SLC24A2: variants seen among roughly 807,000 people sequenced by gnomAD.
SLC24A2 encodes the protein solute carrier family 24 member 2.
A neutral mutation model predicts 62.0 loss-of-function variants in SLC24A2; 36 were observed. The ratio of observed to expected loss-of-function variants is 0.58; its 90% CI spans 0.44 to 0.77. The LOEUF (loss-of-function observed/expected upper bound fraction) is 0.77. Ranked by LOEUF, SLC24A2 falls within the 30% of genes least tolerant of loss-of-function variation. The probability of loss-of-function intolerance (pLI) is 0.00; values close to 1 mark genes in which losing one functional copy is unlikely to be tolerated. For synonymous variants in SLC24A2, 358 were observed against 294.0 expected (o/e 1.22, Z -2.23); for missense variants, 846 against 817.9 (o/e 1.03, Z -0.42).
chr9:19,713,609 GAGA>G (rs36032195), intron 2 of SLC24A2, among the ~76,000 whole-genome samples: 46,519 of 151,774 alleles, frequency 0.31, 8,981 homozygotes, highest in East Asian at 0.62. Flanking sequence ...TTTTGATAAT[GAGA>G]AGAAGTCCTG....
At chr9:19,758,452 G>T (rs1822212119) in intron 2 of SLC24A2, among the ~76,000 whole-genome samples, 1 of 152,134 alleles carries the variant, frequency 6.6e-6, no homozygotes, top group South Asian at 2.1e-4. Context: ...CTGTTTGTGG[G>T]ATCAGAAAGT....
chr9:19,883,269 G>A, the SLC24A2 span, among the ~76,000 whole-genome samples: 1 of 152,136 alleles, frequency 6.6e-6, no homozygotes, highest in Non-Finnish European at 1.5e-5. Context: ...GTGACTCATT[G>A]AAAAGATGAT....
At chr9:20,155,496 G>C in the SLC24A2 span, among the ~76,000 whole-genome samples, 1 of 151,704 alleles carries the variant, frequency 6.6e-6, no homozygotes, top group Admixed American at 6.6e-5. Flanking sequence ...GTTTGTTTCA[G>C]ATGTAACTAA....
chr9:19,993,564 G>A, the SLC24A2 span, among the ~76,000 whole-genome samples: 1 of 152,116 alleles, frequency 6.6e-6, no homozygotes, highest in Non-Finnish European at 1.5e-5. Context: ...ATTCAACACG[G>A]TTAACATTTA....
the SLC24A2 span, among the ~76,000 whole-genome samples, chr9:20,305,825 AACAGAAATGTATTTCTC>A: frequency 3.9e-5 from 6 of 152,186 alleles, no homozygotes; most frequent in Non-Finnish European, 8.8e-5. Context: ...CAGCTTCAAC[AACAGAAATGTATTTCTC>A]ACAGTCCCAG....
At position 19,719,289 on chromosome 9, in the gene SLC24A2, A is replaced by G. The variant is rs142822365; in HGVS notation, c.930+66648T>C. ...AACACTCTTGTCACCAAATTAGTAG[A>G]TAAGAAAGTGTGGCTAAGATGTTAA... On this transcript the variant is annotated intron_variant, in intron 2 of 10. Coordinates refer to ENST00000341998, the MANE Select transcript of SLC24A2 (RefSeq NM_020344.4). 3.2e-4 allele frequency among the ~76,000 whole-genome samples: 49 copies of G among 152,312 alleles called. 1 individual carries two copies. The East Asian group carries it at 9.2e-3, about 29-fold the overall frequency.
intron 4 of SLC24A2, among the ~76,000 whole-genome samples, chr9:19,616,054 A>C (rs940784156): frequency 1.3e-5 from 2 of 151,392 alleles, no homozygotes; most frequent in African/African-American, 4.9e-5. Flanking sequence ...ATATGATTAA[A>C]CATCTCTAGA....
At chr9:20,165,296 C>T in the SLC24A2 span, among the ~76,000 whole-genome samples, 1 of 151,532 alleles carries the variant, frequency 6.6e-6, no homozygotes, top group Non-Finnish European at 1.5e-5. Context: ...TTCCTGCAAA[C>T]TAGACAAGTT....
At chr9:19,522,842 T>G (rs575721941) in intron 9 of SLC24A2, among the ~76,000 whole-genome samples, 1 of 152,376 alleles carries the variant, frequency 6.6e-6, no homozygotes, top group Non-Finnish European at 1.5e-5. Flanking sequence ...ATAAGACTTT[T>G]GCACAGGAGT....
the SLC24A2 span, among the ~76,000 whole-genome samples, chr9:19,982,769 A>G: frequency 6.6e-6 from 1 of 152,186 alleles, no homozygotes; most frequent in African/African-American, 2.4e-5. Flanking sequence ...AGAAGTGAAA[A>G]TCCTGAACAA....
chr9:19,688,215 G>T (rs1819941365), intron 2 of SLC24A2, among the ~76,000 whole-genome samples: 1 of 152,096 alleles, frequency 6.6e-6, no homozygotes, highest in African/African-American at 2.4e-5. Context: ...AAGAGCCCTG[G>T]ATTTAGAAAA....
intron 2 of SLC24A2, among the ~76,000 whole-genome samples, chr9:19,636,386 T>TTCCTTCCTTCCTCCCTCC (rs1818351514): frequency 1.3e-4 from 3 of 23,396 alleles, no homozygotes; most frequent in African/African-American, 1.6e-4. Flanking sequence ...TTTCTTTCTT[T>TTCCTTCCTTCCTCCCTCC]CTCCCTCTCT....
chr9:19,792,480 C>G (rs1053141954), upstream of SLC24A2, among the ~76,000 whole-genome samples: 3 of 136,374 alleles, frequency 2.2e-5, no homozygotes, highest in Non-Finnish European at 4.5e-5. Context: ...CACCTGAGGT[C>G]AGGAGTTTGA....
intron 2 of SLC24A2, among the ~76,000 whole-genome samples, chr9:19,651,278 G>A (rs1340708760): frequency 6.6e-6 from 1 of 152,172 alleles, no homozygotes; most frequent in African/African-American, 2.4e-5. Flanking sequence ...ATTGTTTTAA[G>A]CATGTTACAT....
At chr9:20,032,557 C>CT in the SLC24A2 span, among the ~76,000 whole-genome samples, 1 of 152,158 alleles carries the variant, frequency 6.6e-6, no homozygotes, top group Non-Finnish European at 1.5e-5. Context: ...TTTTTGTTCT[C>CT]TGCAGACTGT....
At chr9:19,925,226 A>T in the SLC24A2 span, among the ~76,000 whole-genome samples, 1 of 152,174 alleles carries the variant, frequency 6.6e-6, no homozygotes, top group Admixed American at 6.5e-5. Flanking sequence ...CCAGTCAAAG[A>T]TATATAGATT....
chr9:19,733,215 G>A (rs1821391628), intron 2 of SLC24A2, among the ~76,000 whole-genome samples: 1 of 152,008 alleles, frequency 6.6e-6, no homozygotes, highest in South Asian at 2.1e-4. Context: ...TAAATTCAGA[G>A]GCTCTGGATT....
chr9:20,304,013 T>G, the SLC24A2 span, among the ~76,000 whole-genome samples: 2 of 152,222 alleles, frequency 1.3e-5, no homozygotes, highest in African/African-American at 4.8e-5. Flanking sequence ...ACTGAGAATC[T>G]CAGCTACATT....
At chr9:19,755,651 C>T (rs1473608626) in intron 2 of SLC24A2, among the ~76,000 whole-genome samples, 18 of 152,110 alleles carry the variant, frequency 1.2e-4, no homozygotes. Context: ...GTAAGGTCAT[C>T]CCTGCTGTGG....
Sources: gnomAD v4.1 joint callset for allele counts (sites outside exome capture counted in the v4.1 genomes callset) on GRCh38, gnomAD v4.1.1 for gene constraint, MANE v1.5 for transcripts, NCBI Gene and HGNC (gene_info 2026-07-23, HGNC 2026-07-21) for gene names.